LOXHD1: variants seen among roughly 807,000 people sequenced by gnomAD.
LOXHD1 encodes the protein lipoxygenase homology PLAT domains 1.
LOXHD1 carries 205 observed loss-of-function variants against 248.2 expected under a neutral mutation model. That is an observed-to-expected ratio of 0.83 (90% confidence interval 0.74 to 0.93). The LOEUF (loss-of-function observed/expected upper bound fraction) is 0.93. Among genes scored for constraint, LOXHD1 ranks in the 40% least tolerant of loss-of-function variants. The pLI, the probability that LOXHD1 is intolerant of heterozygous loss-of-function variation, is 0.00. For missense variants in LOXHD1, 2,930 were observed against 2,971.6 expected, an observed-to-expected ratio of 0.99 and a Z score of 0.33; for synonymous variants, 1,113 against 1,162.8, an observed-to-expected ratio of 0.96 and a Z score of 0.87.
At chr18:46,637,598 A>G (rs2038908809) in intron 4 of LOXHD1, among the ~76,000 whole-genome samples, 1 of 149,478 alleles carries the variant, frequency 6.7e-6, no homozygotes, top group Admixed American at 6.7e-5. Context: ...CAGGCAAAAA[A>G]TTCTTTCTCT....
chr18:46,575,489 G>A (rs1416213112), intron 14 of LOXHD1, among the ~76,000 whole-genome samples: 2 of 152,158 alleles, frequency 1.3e-5, no homozygotes, highest in Non-Finnish European at 2.9e-5. Context: ...AGGTCATTAG[G>A]GTGACCCCTC....
chr18:46,477,629 T>C lies in LOXHD1; in HGVS notation c.6665A>G (p.Glu2222Gly), dbSNP rs951253463. ...TGAGCAGTAGCCACTGCTGTCGTGC[T>C]CCAGGCGCACCTTGCGCAGCTCACC... ...ELGELRKVRLEHDSSGYCSGW... is the reference protein window; with the variant it reads ...ELGELRKVRLGHDSSGYCSGW... The change falls in exon 41 of 41, where the codon GAG (glutamate) becomes GGG (glycine). Residue 2222 changes from glutamate (E) to glycine (G), a missense_variant. By Grantham distance (98) the Glu-to-Gly change is moderately conservative (BLOSUM62 -2). Coordinates refer to ENST00000642948, the MANE Select transcript of LOXHD1 (RefSeq NM_001384474.1). 2 of 1,551,664 alleles carry C rather than the reference T, an allele frequency of 1.3e-6. No homozygotes were observed. Among genetic ancestry groups the C allele is most frequent in the African/African-American group, 2.7e-5 (2 of 73,080 alleles).
chr18:46,536,870 AC>A (rs1225039946), intron 26 of LOXHD1, among the ~76,000 whole-genome samples: 2 of 152,170 alleles, frequency 1.3e-5, no homozygotes, highest in African/African-American at 2.4e-5. Flanking sequence ...AATAAGGGGC[AC>A]ATCTCCAAAG....
chr18:46,556,801 C>T, intron 21 of LOXHD1: 1 of 195,026 alleles, frequency 5.1e-6, no homozygotes, highest in Non-Finnish European at 1.1e-5. Flanking sequence ...AGCCAGCCCA[C>T]CCTCACCCTC....
At chr18:46,485,643 A>G (rs1228096532) in intron 38 of LOXHD1, among the ~76,000 whole-genome samples, 1 of 152,058 alleles carries the variant, frequency 6.6e-6, no homozygotes, top group South Asian at 2.1e-4. Context: ...ACAGGTGTGC[A>G]CTCCTCCAAC....
At chr18:46,642,128 T>A in intron 2 of LOXHD1, 92 bp from the exon 3 acceptor site, 1 of 1,105,222 alleles carries the variant, frequency 9.0e-7, no homozygotes, top group Admixed American at 2.0e-5. Context: ...TCTTCCTCCA[T>A]CATCCCACTC....
intron 34 of LOXHD1, 62 bp from the exon 35 acceptor site, chr18:46,509,877 G>GTGGGGGGGGC: frequency 3.6e-6 from 2 of 551,738 alleles, no homozygotes; most frequent in Non-Finnish European, 6.8e-6. Flanking sequence ...GTTGGGGTGG[G>GTGGGGGGGGC]CCAGGCCAGA....
intron 35 of LOXHD1, 101 bp from the exon 36 acceptor site, chr18:46,507,813 T>C: frequency 7.8e-7 from 1 of 1,285,596 alleles, no homozygotes; most frequent in Non-Finnish European, 1.1e-6. Context: ...ACCCTGGAGA[T>C]CCCAGACCTG....
chr18:46,645,735 G>C (rs925135233), intron 2 of LOXHD1, among the ~76,000 whole-genome samples: 2 of 152,006 alleles, frequency 1.3e-5, no homozygotes, highest in African/African-American at 4.8e-5. Context: ...CACTGGTACT[G>C]AAGTTCCTCT....
intron 14 of LOXHD1, among the ~76,000 whole-genome samples, chr18:46,573,851 G>A (rs1243936395): frequency 6.6e-6 from 1 of 152,154 alleles, no homozygotes. Context: ...CAAGGGCTTT[G>A]GTGCTGTGAA....
At chr18:46,635,008 C>T (rs1416675912) in intron 4 of LOXHD1, among the ~76,000 whole-genome samples, 1 of 152,026 alleles carries the variant, frequency 6.6e-6, no homozygotes, top group Non-Finnish European at 1.5e-5. Flanking sequence ...GTCAGGGAGG[C>T]CCCTTCCTCT....
At position 46,509,642 on chromosome 18, in the gene LOXHD1, C is replaced by T. The variant is rs369687627; in HGVS notation, c.5517+56G>A. On this transcript the variant is annotated intron_variant, in intron 35 of 40. Transcript: ENST00000642948. Reference sequence around the variant, plus strand: ...AAGGTCCATTGACAAGCCAGAGGAACCAGGGGAAGGGGTGGGTGGTGGCTG... The same window carrying T: ...AAGGTCCATTGACAAGCCAGAGGAATCAGGGGAAGGGGTGGGTGGTGGCTG... 16 of 1,303,256 alleles carry T rather than the reference C, an allele frequency of 1.2e-5. No individual in the cohort carries two copies. The African/African-American group carries it at 2.1e-4, about 17-fold the overall frequency. 80.7% of individuals were successfully genotyped at this position (1,303,256 alleles called of 1,614,324 possible).
At chr18:46,515,150 C>G (rs543810907) in intron 34 of LOXHD1, among the ~76,000 whole-genome samples, 1 of 152,172 alleles carries the variant, frequency 6.6e-6, no homozygotes, top group Admixed American at 6.5e-5. Context: ...ACTGCAGGAG[C>G]GTTGCAGCAG....
Position 46,610,787 on chromosome 18 carries a change from A to G in LOXHD1, c.748T>C (p.Phe250Leu), listed in dbSNP as rs1219274742. ...HNNKGGSAGW[F>L]LSQIVIEDIG... Reference sequence around the variant, plus strand: ...GCAGCTGAACTCACCTGGGACAGGAACCAACCTGCAGAGCCCCCCTTATTG... The same window carrying G: ...GCAGCTGAACTCACCTGGGACAGGAGCCAACCTGCAGAGCCCCCCTTATTG... Residue 250 changes from phenylalanine (F) to leucine (L), a missense_variant, in exon 6 of 41, where the codon TTC becomes CTC. By Grantham distance (22) the Phe-to-Leu change is conservative. Coordinates refer to ENST00000642948, the MANE Select transcript of LOXHD1 (RefSeq NM_001384474.1). 4.5e-6 allele frequency: 7 copies of G among 1,551,184 alleles called. No individual in the cohort carries two copies. In the South Asian group the frequency reaches 8.3e-5, roughly 18 times the overall value.
intron 28 of LOXHD1, among the ~76,000 whole-genome samples, chr18:46,529,909 C>G (rs1372876098): frequency 1.3e-5 from 2 of 152,178 alleles, no homozygotes; most frequent in Non-Finnish European, 2.9e-5. Context: ...CTGCCGCCCT[C>G]TCCTTGGTCT....
At chr18:46,574,397 A>ACACACACACACACACACT (rs2037814169) in intron 14 of LOXHD1, among the ~76,000 whole-genome samples, 1 of 149,782 alleles carries the variant, frequency 6.7e-6, no homozygotes. Context: ...ATACACACAC[A>ACACACACACACACACACT]CACACACACA....
chr18:46,507,900 T>C (rs1478771751), intron 35 of LOXHD1, among the ~76,000 whole-genome samples, 188 bp from the exon 36 acceptor site: 2 of 152,176 alleles, frequency 1.3e-5, no homozygotes, highest in Admixed American at 1.3e-4. Flanking sequence ...CCTGTGTGCC[T>C]GGCATGGGAT....
chr18:46,543,548 C>T (rs112771281), intron 23 of LOXHD1, among the ~76,000 whole-genome samples: 10,955 of 152,118 alleles, frequency 0.072, 522 homozygotes, highest in Non-Finnish European at 0.1. Flanking sequence ...GTTATTTCTC[C>T]TAAGGCTATC....
chr18:46,625,359 T>G (rs1905062211), intron 4 of LOXHD1, among the ~76,000 whole-genome samples: 1 of 152,128 alleles, frequency 6.6e-6, no homozygotes, highest in African/African-American at 2.4e-5. Context: ...TAAAAGTTGC[T>G]CATGGGCAGA....
Sources: gnomAD v4.1 joint callset for allele counts (sites outside exome capture counted in the v4.1 genomes callset) on GRCh38, gnomAD v4.1.1 for gene constraint, MANE v1.5 for transcripts, NCBI Gene and HGNC (gene_info 2026-07-23, HGNC 2026-07-21) for gene names.